Variants in NPAS3 observed in about 807,000 individuals in gnomAD.
NPAS3 encodes the protein neuronal PAS domain protein 3.
A neutral mutation model predicts 73.1 loss-of-function variants in NPAS3; 14 were observed. The observed-to-expected ratio is 0.19, with a 90% CI of 0.13 to 0.30. NPAS3 has a LOEUF of 0.30. NPAS3 is among the 10% of genes least tolerant of loss of function. NPAS3 has a pLI of 1.00. For synonymous variants in NPAS3, 620 were observed against 541.5 expected (o/e 1.14, Z -2.01); for missense variants, 1,096 against 1,250.0 (o/e 0.88, Z 1.86).
At chr14:33,299,356 A>G (rs550193890) in intron 3 of NPAS3, among the ~76,000 whole-genome samples, 1 of 152,286 alleles carries the variant, frequency 6.6e-6, no homozygotes, top group South Asian at 2.1e-4. Flanking sequence ...TTGGTTTAGC[A>G]ATGGACATCT....
At chr14:33,678,869 C>G (rs2059849182) in intron 6 of NPAS3, among the ~76,000 whole-genome samples, 1 of 152,062 alleles carries the variant, frequency 6.6e-6, no homozygotes, top group Admixed American at 6.6e-5. Context: ...CTCATAAATC[C>G]CATGCCTTCT....
At chr14:32,953,433 CTGAG>C (rs2036562347) in intron 1 of NPAS3, among the ~76,000 whole-genome samples, 1 of 152,186 alleles carries the variant, frequency 6.6e-6, no homozygotes, top group South Asian at 2.1e-4. Context: ...TAGGCCCTGA[CTGAG>C]TGAGGCGTCT....
chr14:33,605,409 A>C (rs551686134), intron 5 of NPAS3, among the ~76,000 whole-genome samples: 6 of 145,624 alleles, frequency 4.1e-5, no homozygotes, highest in South Asian at 2.2e-4. Context: ...AAAAAAAAAA[A>C]ACACAAACCT....
intron 3 of NPAS3, among the ~76,000 whole-genome samples, chr14:33,337,922 C>G (rs1294402346): frequency 6.7e-6 from 1 of 150,130 alleles, no homozygotes; most frequent in African/African-American, 2.5e-5. Context: ...GATCTTTTGT[C>G]CTGAAACCTT....
chr14:33,631,942 G>A (rs1207984085), intron 5 of NPAS3, among the ~76,000 whole-genome samples: 1 of 152,168 alleles, frequency 6.6e-6, no homozygotes, highest in Non-Finnish European at 1.5e-5. Context: ...CATGAAAAAG[G>A]TCTCTTTGGG....
intron 2 of NPAS3, among the ~76,000 whole-genome samples, chr14:33,198,625 A>G (rs573190051): frequency 1.3e-5 from 2 of 152,326 alleles, no homozygotes; most frequent in Admixed American, 1.3e-4. Context: ...TCCTTTGGCT[A>G]GACATAAAAG....
chr14:33,707,983 A>T (rs543274965), intron 6 of NPAS3, among the ~76,000 whole-genome samples: 1 of 152,336 alleles, frequency 6.6e-6, no homozygotes, highest in East Asian at 1.9e-4. Flanking sequence ...CGTGGAAGAA[A>T]GCCACAGTAG....
intron 1 of NPAS3, among the ~76,000 whole-genome samples, chr14:32,978,444 G>A (rs1333039911): frequency 1.3e-5 from 2 of 152,168 alleles, no homozygotes; most frequent in Non-Finnish European, 2.9e-5. Flanking sequence ...CAAAATGGTA[G>A]TACTGGCTGG....
At chr14:33,675,026 T>C (rs999400467) in intron 5 of NPAS3, among the ~76,000 whole-genome samples, 1 of 151,986 alleles carries the variant, frequency 6.6e-6, no homozygotes, top group Non-Finnish European at 1.5e-5. Flanking sequence ...GAAATTATCC[T>C]GGAAAGGGAA....
intron 9 of NPAS3, among the ~76,000 whole-genome samples, chr14:33,784,745 A>ATTTATTTTTTTTT (rs1471526546): frequency 9.5e-5 from 7 of 73,848 alleles, no homozygotes; most frequent in African/African-American, 1.2e-4. Flanking sequence ...TTATTTATTT[A>ATTTATTTTTTTTT]TTTTTTTTTT....
intron 5 of NPAS3, among the ~76,000 whole-genome samples, chr14:33,613,821 C>T (rs1310873248): frequency 6.6e-6 from 1 of 152,168 alleles, no homozygotes; most frequent in East Asian, 1.9e-4. Flanking sequence ...CCTCAAGGCT[C>T]ACAAGTCTCT....
At chr14:33,067,777 A>G (rs2041330524) in intron 2 of NPAS3, among the ~76,000 whole-genome samples, 1 of 152,228 alleles carries the variant, frequency 6.6e-6, no homozygotes, top group South Asian at 2.1e-4. Flanking sequence ...TCTCCAGGAC[A>G]GTGCCACCAT....
At chr14:32,968,225 G>A (rs1229171848) in intron 1 of NPAS3, among the ~76,000 whole-genome samples, 1 of 152,096 alleles carries the variant, frequency 6.6e-6, no homozygotes, top group Non-Finnish European at 1.5e-5. Context: ...CTAGAAGAGA[G>A]GATTTTGGAT....
intron 4 of NPAS3, among the ~76,000 whole-genome samples, chr14:33,525,642 C>G (rs1270189356): frequency 6.6e-6 from 1 of 151,898 alleles, no homozygotes; most frequent in Non-Finnish European, 1.5e-5. Context: ...TATTTGTGAC[C>G]CACTGAGACC....
At chr14:33,398,802 G>C (rs989342891) in intron 4 of NPAS3, among the ~76,000 whole-genome samples, 4 of 152,086 alleles carry the variant, frequency 2.6e-5, no homozygotes, top group African/African-American at 9.7e-5. Context: ...ATTTTGAAGA[G>C]ATTAAGTTGG....
intron 4 of NPAS3, among the ~76,000 whole-genome samples, chr14:33,387,127 A>C (rs1314049186): frequency 2.0e-5 from 3 of 152,140 alleles, no homozygotes; most frequent in Non-Finnish European, 4.4e-5. Context: ...GGCCTTCATA[A>C]TTTTGACTTT....
At chr14:33,769,699 C>G (rs2062579207) in intron 7 of NPAS3, among the ~76,000 whole-genome samples, 1 of 146,672 alleles carries the variant, frequency 6.8e-6, no homozygotes, top group Non-Finnish European at 1.5e-5. Context: ...TACCTAGGCA[C>G]TTTGCACACA....
chr14:33,023,667 A>T (rs2039687105), intron 1 of NPAS3, among the ~76,000 whole-genome samples: 2 of 152,200 alleles, frequency 1.3e-5, no homozygotes, highest in African/African-American at 4.8e-5. Flanking sequence ...ATCCTTTAGT[A>T]GTTTTGAGGT....
chr14:33,696,091 G>A (rs995263799), intron 6 of NPAS3, among the ~76,000 whole-genome samples: 10 of 152,046 alleles, frequency 6.6e-5, no homozygotes, highest in South Asian at 2.1e-4. Context: ...TCTTAATAGC[G>A]GTAATAACTA....
Sources: allele counts gnomAD v4.1 joint callset (sites outside exome capture counted in the v4.1 genomes callset), GRCh38; gene constraint gnomAD v4.1.1; transcripts MANE v1.5; gene names NCBI Gene and HGNC (gene_info 2026-07-23, HGNC 2026-07-21).